The following SYCP2L variants were observed in gnomAD, a reference collection of about 807,000 sequenced individuals.
SYCP2L encodes the protein synaptonemal complex protein 2-like.
A neutral mutation model predicts 125.8 loss-of-function variants in SYCP2L; 98 were observed. The observed-to-expected ratio is 0.78, with a 90% CI of 0.66 to 0.92. The LOEUF (loss-of-function observed/expected upper bound fraction) is 0.92, where lower values mean the gene tolerates loss of function less well. SYCP2L is among the 40% of genes least tolerant of loss of function. SYCP2L has a pLI of 0.00. For synonymous variants in SYCP2L, 317 were observed against 325.4 expected, an observed-to-expected ratio of 0.97 and a Z score of 0.28; for missense variants, 842 against 936.4, an observed-to-expected ratio of 0.90 and a Z score of 1.32.
chr6:10,912,883 CAG>C lies in SYCP2L; in HGVS notation c.1029_1030del (p.Val344AspfsTer44). On this transcript the variant is annotated frameshift_variant, in exon 14 of 30. Transcript: ENST00000283141. LOFTEE classifies it high-confidence loss of function. This position sits in a 1 kb window ranked among gnomAD's most constrained non-coding sequence, Gnocchi z 4.1. ...TTTCCCAAGAATACTCTATGGGACT[CAG>C]TGACACTTCCGAAGGAAGCGGTGAT... 4.3e-6 allele frequency: 7 copies of C among 1,613,878 alleles called. No individual in the cohort carries two copies. Among genetic ancestry groups the C allele is most frequent in the African/African-American group, 1.3e-5 (1 of 75,034 alleles).
chr6:10,913,049 ATGG>A, intron 14 of SYCP2L, 122 bp downstream of exon 14: 1 of 865,090 alleles, frequency 1.2e-6, no homozygotes, highest in Non-Finnish European at 1.8e-6. Flanking sequence ...GGAAGGCTGT[ATGG>A]TATGATAGAA....
intron 14 of SYCP2L, among the ~76,000 whole-genome samples, chr6:10,916,878 G>T (rs964675065): frequency 9.2e-5 from 14 of 152,338 alleles, no homozygotes; most frequent in Non-Finnish European, 1.8e-4. Context: ...TGTAATGCCA[G>T]CTACTTGGGA....
At chr6:10,947,952 A>G (rs1051503896) in intron 23 of SYCP2L, among the ~76,000 whole-genome samples, 3 of 152,152 alleles carry the variant, frequency 2.0e-5, no homozygotes, top group Admixed American at 6.5e-5. Context: ...TTAAAAAATC[A>G]TACATAAGTA....
intron 12 of SYCP2L, 96 bp downstream of exon 12, chr6:10,910,965 A>T (rs1780596501): frequency 7.5e-7 from 1 of 1,340,304 alleles, no homozygotes; most frequent in East Asian, 2.3e-5. Context: ...CTCATAACTC[A>T]AAAGGGCTTT....
chr6:10,955,184 C>T lies in SYCP2L; in HGVS notation c.2023C>T (p.Pro675Ser). 2.5e-6 allele frequency: 4 copies of T among 1,613,148 alleles called. No homozygotes were observed. Among genetic ancestry groups the T allele is most frequent in the Non-Finnish European group, 3.4e-6 (4 of 1,179,140 alleles). Residue 675 changes from proline to serine, a missense_variant, in exon 24 of 30, where the codon CCT (proline) becomes TCT (serine). By Grantham distance (74) the Pro-to-Ser change is moderately conservative. Transcript: ENST00000283141. Reference sequence around the variant, plus strand: ...GGAAGAAGAGGTTGCTCCGGGATCCCCTTTCTCAATAACAGAAGAAAGAGA... The same window carrying T: ...GGAAGAAGAGGTTGCTCCGGGATCCTCTTTCTCAATAACAGAAGAAAGAGA... ...RLEEEVAPGSPFSITEERELP... is the reference protein window; with the variant it reads ...RLEEEVAPGSSFSITEERELP...
chr6:10,951,071 G>A (rs972548837), intron 23 of SYCP2L, among the ~76,000 whole-genome samples: 4 of 152,042 alleles, frequency 2.6e-5, no homozygotes, highest in Middle Eastern at 3.2e-3. Flanking sequence ...CTCAGTGCCC[G>A]GCATATAGAC....
chr6:10,896,576 A>G (rs1187841491), intron 4 of SYCP2L, among the ~76,000 whole-genome samples: 1 of 152,124 alleles, frequency 6.6e-6, no homozygotes, highest in Non-Finnish European at 1.5e-5. Flanking sequence ...GTAGAGGGAC[A>G]TTTCTTTTCT....
intron 1 of SYCP2L, among the ~76,000 whole-genome samples, chr6:10,887,580 T>TAA (rs145580893): frequency 3.3e-5 from 5 of 150,852 alleles, no homozygotes; most frequent in African/African-American, 1.2e-4. Flanking sequence ...CAATAAATAA[T>TAA]AAAAAAAAAC....
chr6:10,899,712 A>C (rs1193377164), intron 6 of SYCP2L, among the ~76,000 whole-genome samples: 2 of 152,186 alleles, frequency 1.3e-5, no homozygotes, highest in African/African-American at 4.8e-5. Flanking sequence ...ACATTCTGCA[A>C]TGGATGGTAT....
chr6:10,951,826 T>A (rs573579946), intron 23 of SYCP2L, among the ~76,000 whole-genome samples: 1 of 152,210 alleles, frequency 6.6e-6, no homozygotes, highest in Non-Finnish European at 1.5e-5. Flanking sequence ...CTGTTAACCA[T>A]AGGTCTGGCA....
chr6:10,940,225 G>A (rs58877926), intron 21 of SYCP2L, among the ~76,000 whole-genome samples: 6,748 of 152,204 alleles, frequency 0.044, 337 homozygotes, highest in East Asian at 0.22. Context: ...ACAATTGTAC[G>A]CTGTTGGTGA....
At chr6:10,948,768 A>T in intron 23 of SYCP2L, among the ~76,000 whole-genome samples, 1 of 152,142 alleles carries the variant, frequency 6.6e-6, no homozygotes, top group Non-Finnish European at 1.5e-5. Context: ...AAAAGTTTAT[A>T]TATGATAAAA....
At chr6:10,910,297 A>G in intron 11 of SYCP2L, 97 bp downstream of exon 11, 1 of 1,112,854 alleles carries the variant, frequency 9.0e-7, no homozygotes, top group Non-Finnish European at 1.3e-6. Flanking sequence ...TTAGGAGAGA[A>G]TATTGGGTAC....
intron 1 of SYCP2L, among the ~76,000 whole-genome samples, chr6:10,890,832 A>T (rs1254724008): frequency 6.6e-6 from 1 of 152,038 alleles, no homozygotes; most frequent in Non-Finnish European, 1.5e-5. Flanking sequence ...GTAAGCTTTT[A>T]GTTTATTTTG....
At chr6:10,907,353 CA>C (rs59459507) in intron 9 of SYCP2L, among the ~76,000 whole-genome samples, 188 bp from the exon 10 acceptor site, 3,607 of 138,950 alleles carry the variant, frequency 0.026, 55 homozygotes, top group Non-Finnish European at 0.036. Context: ...GAGACAATCT[CA>C]AAAAAAAAAA....
chr6:10,923,297 C>A (rs1230782780), intron 14 of SYCP2L, among the ~76,000 whole-genome samples: 3 of 151,040 alleles, frequency 2.0e-5, no homozygotes, highest in Non-Finnish European at 4.4e-5. Context: ...GCCATTTTCT[C>A]TTGTAAGCCC....
rs200568608 is a variant in SYCP2L at position 10,963,775 on chromosome 6, C to A, written c.2415-7C>A. Reference sequence around the variant, plus strand: ...AATATAATAAGAGATGGACCAATTTCTTCCAGGTTCAATTCAACTCAGACT... The same window carrying A: ...AATATAATAAGAGATGGACCAATTTATTCCAGGTTCAATTCAACTCAGACT... On this transcript the variant is annotated splice_region_variant and splice_polypyrimidine_tract_variant and intron_variant, in intron 28 of 29. Transcript: ENST00000283141. The A allele has an allele frequency of 6.2e-6, 10 of 1,613,684 alleles. No individual in the cohort carries two copies. In the South Asian group the frequency reaches 1.1e-4, roughly 18 times the overall value.
chr6:10,905,572 G>A (rs1400151681), intron 8 of SYCP2L, among the ~76,000 whole-genome samples: 6 of 152,158 alleles, frequency 3.9e-5, no homozygotes, highest in South Asian at 4.1e-4. Flanking sequence ...GATTACAGGC[G>A]TGAGCCACTG....
rs374659220 is a variant in SYCP2L at position 10,930,358 on chromosome 6, C to T, written c.1489-12C>T. On this transcript the variant is annotated splice_polypyrimidine_tract_variant and intron_variant, in intron 18 of 29. Coordinates refer to ENST00000283141, the MANE Select transcript of SYCP2L (RefSeq NM_001040274.3). The stretch of plus-strand genomic sequence containing the variant: ...CCCTCTAAAAATTCTCATTTATGAT[C>T]TGTGCTTGTAGAAGTCTCATTACAG... The T allele has an allele frequency of 6.2e-7, 1 of 1,604,344 alleles. No homozygotes were observed. The highest frequency in any genetic ancestry group is 8.5e-7 in the Non-Finnish European group (1 of 1,177,572).
Sources: gnomAD v4.1 joint callset for allele counts (sites outside exome capture counted in the v4.1 genomes callset) on GRCh38, gnomAD v4.1.1 for gene constraint, Gnocchi (gnomAD v3.1) non-coding constraint, MANE v1.5 for transcripts, NCBI Gene and HGNC (gene_info 2026-07-23, HGNC 2026-07-21) for gene names.